Variants in JMJD1C observed in about 807,000 individuals in gnomAD.
JMJD1C encodes jumonji domain-containing protein 1C.
In JMJD1C, 31 loss-of-function variants were observed where a neutral mutation model predicts 245.3. That is an observed-to-expected ratio of 0.13 (90% CI 0.09 to 0.17). The LOEUF is 0.17. Among genes scored for constraint, JMJD1C ranks in the 10% least tolerant of loss-of-function variants. The pLI is 1.00. For synonymous variants in JMJD1C, 1,057 were observed against 1,017.4 expected (o/e 1.04, Z -0.74); for missense variants, 2,691 against 3,000.2 (o/e 0.90, Z 2.41).
chr10:63,363,283 G>A (rs978316725), intron 2 of JMJD1C, among the ~76,000 whole-genome samples: 1 of 140,902 alleles, frequency 7.1e-6, no homozygotes, highest in Non-Finnish European at 1.5e-5. Context: ...TTTCCTGATG[G>A]AGTCTCGCTC....
intron 3 of JMJD1C, among the ~76,000 whole-genome samples, chr10:63,239,211 A>G (rs7082066): frequency 0.69 from 104,889 of 152,060 alleles, 37,928 homozygotes; most frequent in Non-Finnish European, 0.81. Flanking sequence ...GGGTGAAACA[A>G]TATGGAATAT....
At chr10:63,446,355 C>A (rs750918044) in intron 1 of JMJD1C, among the ~76,000 whole-genome samples, 1 of 152,030 alleles carries the variant, frequency 6.6e-6, no homozygotes, top group African/African-American at 2.4e-5. Flanking sequence ...AACTCAGCTG[C>A]GGACATATTA....
chr10:63,461,797 A>C (rs1207890780), intron 1 of JMJD1C, among the ~76,000 whole-genome samples: 1 of 152,166 alleles, frequency 6.6e-6, no homozygotes, highest in Non-Finnish European at 1.5e-5. Context: ...GCATCAAAGA[A>C]AGGTAGATAG....
At chr10:63,392,871 C>A (rs1479655800) in intron 1 of JMJD1C, among the ~76,000 whole-genome samples, 5 of 103,888 alleles carry the variant, frequency 4.8e-5, no homozygotes, top group African/African-American at 1.5e-4. Flanking sequence ...TACATAAACA[C>A]ACACACACAC....
intron 1 of JMJD1C, among the ~76,000 whole-genome samples, chr10:63,482,568 C>G (rs2133190395): frequency 6.6e-6 from 1 of 151,896 alleles, no homozygotes; most frequent in African/African-American, 2.4e-5. Context: ...CTCAGGAGGC[C>G]AAGGTAGCAG....
At chr10:63,231,688 G>C (rs1275771337) in intron 3 of JMJD1C, among the ~76,000 whole-genome samples, 1 of 152,136 alleles carries the variant, frequency 6.6e-6, no homozygotes, top group Non-Finnish European at 1.5e-5. Context: ...TAGCTACTCA[G>C]GAGGCTGAGA....
Position 63,213,567 on chromosome 10 carries a change from G to A in JMJD1C, c.2600C>T (p.Pro867Leu), listed in dbSNP as rs746264370. ...TCCTGAGTATGCATGTGTTCCATTT[G>A]GATACTGCCAAATAATTGGATAAAG... ...LGLYPIIWQYPNGTHAYSGLG... is the reference protein window; with the variant it reads ...LGLYPIIWQYLNGTHAYSGLG... Residue 867 changes from proline (P) to leucine (L), a missense_variant, in exon 8 of 26, where the codon CCA becomes CTA. Physicochemically the swap from Pro to Leu is moderately conservative, Grantham distance 98. Coordinates refer to ENST00000399262, the MANE Select transcript of JMJD1C (RefSeq NM_032776.3). The A allele has an allele frequency of 6.2e-7, 1 of 1,614,068 alleles. No homozygotes were observed. Among genetic ancestry groups the A allele is most frequent in the Non-Finnish European group, 8.5e-7 (1 of 1,179,930 alleles).
intron 1 of JMJD1C, among the ~76,000 whole-genome samples, chr10:63,414,764 G>A (rs1161845492): frequency 1.3e-5 from 2 of 151,954 alleles, no homozygotes; most frequent in Admixed American, 6.6e-5. Flanking sequence ...AAAACTCACC[G>A]GTTGTGGTGG....
chr10:63,266,176 A>C (rs1339870932), intron 2 of JMJD1C, among the ~76,000 whole-genome samples: 1 of 152,032 alleles, frequency 6.6e-6, no homozygotes, highest in Non-Finnish European at 1.5e-5. Context: ...ATTCTCACTT[A>C]TTTTCGATAT....
chr10:63,184,263 CG>C (rs1273640576), intron 21 of JMJD1C, among the ~76,000 whole-genome samples: 12 of 126,850 alleles, frequency 9.5e-5, no homozygotes, highest in Non-Finnish European at 1.6e-4. Context: ...TTTTTTGAGA[CG>C]GAGTCTTGCT....
At chr10:63,301,668 C>A in intron 2 of JMJD1C, 1 of 403,678 alleles carries the variant, frequency 2.5e-6, no homozygotes, top group South Asian at 1.8e-5. Context: ...CGGGGCCTGA[C>A]AAGGGGAGAG....
intron 1 of JMJD1C, chr10:63,521,651 G>A (rs2133323691): frequency 2.6e-6 from 3 of 1,145,822 alleles, no homozygotes; most frequent in Middle Eastern, 2.8e-4. Context: ...GGAGCCGAGA[G>A]GAAAGGGAAG....
At chr10:63,268,852 C>A (rs1474713536) in intron 2 of JMJD1C, 12 of 985,612 alleles carry the variant, frequency 1.2e-5, no homozygotes, top group Non-Finnish European at 1.4e-5. Context: ...CTTGCAGCGG[C>A]GTCATTGTAT....
chr10:63,385,416 CTTTTTTTTTTTTTTTTT>C, intron 1 of JMJD1C, among the ~76,000 whole-genome samples: 1 of 53,760 alleles, frequency 1.9e-5, no homozygotes, highest in East Asian at 8.1e-4. Context: ...CTGCCCCCGC[CTTTTTTTTTTTTTTTTT>C]TTTTTTTTTT....
At chr10:63,222,512 C>A in intron 3 of JMJD1C, 1 of 1,237,536 alleles carries the variant, frequency 8.1e-7, no homozygotes, top group Non-Finnish European at 1.2e-6. Flanking sequence ...TTTTGACTGA[C>A]TGCACTTTTG....
intron 3 of JMJD1C, among the ~76,000 whole-genome samples, chr10:63,230,777 C>G (rs184268578): frequency 1.4e-4 from 21 of 150,932 alleles, no homozygotes; most frequent in Middle Eastern, 3.4e-3. Flanking sequence ...TGTCCCCCCC[C>G]CCAAAAAAAA....
chr10:63,444,546 T>C (rs937732112), intron 1 of JMJD1C, among the ~76,000 whole-genome samples: 7 of 152,172 alleles, frequency 4.6e-5, no homozygotes, highest in Non-Finnish European at 7.3e-5. Context: ...AGTGCTGGGA[T>C]TACAGGCGTG....
intron 1 of JMJD1C, among the ~76,000 whole-genome samples, 187 bp from the exon 2 acceptor site, chr10:63,380,669 A>G (rs1036275724): frequency 2.0e-5 from 3 of 152,226 alleles, no homozygotes; most frequent in African/African-American, 7.2e-5. Context: ...CATTTGTGTT[A>G]GAAACATTTC....
At chr10:63,203,634 CATAAAA>C in intron 10 of JMJD1C, 1 of 971,492 alleles carries the variant, frequency 1.0e-6, no homozygotes, top group Non-Finnish European at 1.2e-6. Flanking sequence ...GTAAATAAAA[CATAAAA>C]ATTAGTGGAG....
Sources: allele counts gnomAD v4.1 joint callset (sites outside exome capture counted in the v4.1 genomes callset), GRCh38; gene constraint gnomAD v4.1.1; transcripts MANE v1.5; gene names NCBI Gene and HGNC (gene_info 2026-07-23, HGNC 2026-07-21).